ZBTB20: variants seen among roughly 807,000 people sequenced by gnomAD.
ZBTB20 encodes zinc finger and BTB domain-containing protein 20.
In ZBTB20, 9 loss-of-function variants were observed where a neutral mutation model predicts 56.9. The ratio of observed to expected loss-of-function variants is 0.16; its 90% CI spans 0.10 to 0.28. The LOEUF is 0.28. Ranked by LOEUF, ZBTB20 falls within the 10% of genes least tolerant of loss-of-function variation. The pLI, the probability that ZBTB20 is intolerant of heterozygous loss-of-function variation, is 1.00. For synonymous variants in ZBTB20, 417 were observed against 420.7 expected (o/e 0.99, Z 0.11); for missense variants, 655 against 1,003.0 (o/e 0.65, Z 4.69).
At chr3:114,981,368 G>A (rs931163378) in intron 2 of ZBTB20, among the ~76,000 whole-genome samples, 1 of 151,942 alleles carries the variant, frequency 6.6e-6, no homozygotes, top group Non-Finnish European at 1.5e-5. Context: ...ATTTAGTCTT[G>A]GTTAAAGGTT....
intron 10 of ZBTB20, among the ~76,000 whole-genome samples, chr3:114,373,921 C>T (rs987275135): frequency 3.3e-5 from 5 of 151,960 alleles, no homozygotes; most frequent in Non-Finnish European, 5.9e-5. Context: ...AAAAGAGGGC[C>T]AATTTAAAAA....
chr3:114,840,060 T>C (rs1035012937), intron 4 of ZBTB20, among the ~76,000 whole-genome samples: 9 of 152,180 alleles, frequency 5.9e-5, no homozygotes, highest in Admixed American at 3.3e-4. Flanking sequence ...AGAGAGGTAA[T>C]GCAATGTAGT....
chr3:114,946,409 G>A (rs1258659735), intron 3 of ZBTB20, among the ~76,000 whole-genome samples: 1 of 145,082 alleles, frequency 6.9e-6, no homozygotes, highest in East Asian at 1.9e-4. Context: ...AGATAAACTT[G>A]ATAAAAGTCA....
chr3:114,641,750 T>C (rs2059573859), intron 6 of ZBTB20, among the ~76,000 whole-genome samples: 1 of 151,958 alleles, frequency 6.6e-6, no homozygotes, highest in South Asian at 2.1e-4. Context: ...AAAAAAATGA[T>C]GTTCTGATTT....
At chr3:114,631,504 T>C (rs2058948083) in intron 6 of ZBTB20, among the ~76,000 whole-genome samples, 1 of 144,620 alleles carries the variant, frequency 6.9e-6, no homozygotes, top group East Asian at 2.3e-4. Context: ...GCAATTCTCC[T>C]GCCTCAGCCT....
chr3:114,978,182 T>C (rs1219684653), intron 2 of ZBTB20, among the ~76,000 whole-genome samples: 1 of 150,712 alleles, frequency 6.6e-6, no homozygotes, highest in Non-Finnish European at 1.5e-5. Context: ...AATACATGAA[T>C]AGGCAATTCA....
intron 2 of ZBTB20, among the ~76,000 whole-genome samples, chr3:114,993,770 G>T (rs1373307885): frequency 2.6e-5 from 4 of 151,686 alleles, no homozygotes; most frequent in Admixed American, 2.6e-4. Flanking sequence ...GTTCTTAGTG[G>T]AAAATTTATG....
chr3:115,108,156 AG>A lies in ZBTB20; in HGVS notation c.-702-36743del, dbSNP rs1323724186. Among the ~76,000 whole-genome samples, 414 of 152,208 alleles carry A rather than the reference AG, an allele frequency of 2.7e-3. 1 individual carries two copies. The highest frequency in any genetic ancestry group is 9.2e-3 in the African/African-American group (383 of 41,556). On this transcript the variant is annotated intron_variant, in intron 1 of 11. Transcript: ENST00000675478. The stretch of plus-strand genomic sequence containing the variant: ...TATCCTGGAACTTAAAAAAAAAAAA[AG>A]ATATTCCCATACAACTATCAGAATT...
intron 5 of ZBTB20, among the ~76,000 whole-genome samples, chr3:114,727,606 T>A (rs1450266054): frequency 6.6e-6 from 1 of 152,214 alleles, no homozygotes; most frequent in African/African-American, 2.4e-5. Context: ...TCTGAGAGAC[T>A]ATTTTCTCAT....
chr3:114,382,569 T>C (rs2084511516), intron 8 of ZBTB20, among the ~76,000 whole-genome samples: 1 of 152,200 alleles, frequency 6.6e-6, no homozygotes, highest in African/African-American at 2.4e-5. Flanking sequence ...ACTTATTAAA[T>C]GGTGTCTTCA....
At chr3:114,583,183 A>C (rs972612667) in intron 6 of ZBTB20, among the ~76,000 whole-genome samples, 1 of 152,198 alleles carries the variant, frequency 6.6e-6, no homozygotes, top group Non-Finnish European at 1.5e-5. Context: ...GTTTTATTCC[A>C]GTCACTTTTC....
chr3:115,090,738 A>T (rs1478836849), intron 1 of ZBTB20, among the ~76,000 whole-genome samples: 1 of 151,854 alleles, frequency 6.6e-6, no homozygotes, highest in Non-Finnish European at 1.5e-5. Flanking sequence ...ATATTAACTT[A>T]ATTAATCCTT....
intron 3 of ZBTB20, among the ~76,000 whole-genome samples, chr3:114,904,008 A>C (rs906186567): frequency 7.9e-5 from 12 of 152,074 alleles, no homozygotes; most frequent in African/African-American, 2.7e-4. Flanking sequence ...TGAGTTGTTA[A>C]GTGGCGTGTC....
chr3:115,000,821 TGTG>T (rs2079216229), intron 2 of ZBTB20, among the ~76,000 whole-genome samples: 2 of 151,432 alleles, frequency 1.3e-5, no homozygotes, highest in African/African-American at 4.8e-5. Context: ...TAAAGAAAAA[TGTG>T]GCCCCCACTA....
chr3:114,401,593 T>C (rs1576601472), intron 7 of ZBTB20, among the ~76,000 whole-genome samples: 1 of 152,186 alleles, frequency 6.6e-6, no homozygotes, highest in Non-Finnish European at 1.5e-5. Flanking sequence ...GACTATGTAA[T>C]GTCAGGCACT....
chr3:114,729,411 T>C (rs770197764), intron 5 of ZBTB20, among the ~76,000 whole-genome samples: 4 of 152,234 alleles, frequency 2.6e-5, no homozygotes, highest in African/African-American at 7.2e-5. Context: ...TGGAACAAAT[T>C]AACCTATCTC....
chr3:115,048,135 G>A (rs904581065), intron 2 of ZBTB20, among the ~76,000 whole-genome samples: 1 of 152,136 alleles, frequency 6.6e-6, no homozygotes, highest in African/African-American at 2.4e-5. Flanking sequence ...TGAGGCAGGA[G>A]AATGGCGTGA....
intron 6 of ZBTB20, among the ~76,000 whole-genome samples, chr3:114,589,004 A>T (rs2055469642): frequency 1.3e-5 from 2 of 152,200 alleles, no homozygotes; most frequent in South Asian, 4.2e-4. Context: ...CCCTTATAAA[A>T]CCATCAGATC....
intron 6 of ZBTB20, among the ~76,000 whole-genome samples, chr3:114,636,192 C>T (rs2059260430): frequency 6.6e-6 from 1 of 152,076 alleles, no homozygotes; most frequent in Admixed American, 6.6e-5. Flanking sequence ...CTCAGAAAAG[C>T]CATCCTTCAA....
Sources: allele counts gnomAD v4.1 joint callset (sites outside exome capture counted in the v4.1 genomes callset), GRCh38; gene constraint gnomAD v4.1.1; transcripts MANE v1.5; gene names NCBI Gene and HGNC (gene_info 2026-07-23, HGNC 2026-07-21).